The following SCUBE1 variants were observed in gnomAD, a reference collection of about 807,000 sequenced individuals.
The protein encoded by SCUBE1 is signal peptide, CUB domain and EGF like domain containing 1, also known as signal peptide, CUB and EGF-like domain-containing protein 1.
A neutral mutation model predicts 124.4 loss-of-function variants in SCUBE1; 59 were observed. The ratio of observed to expected loss-of-function variants is 0.47; its 90% CI spans 0.38 to 0.59. SCUBE1 has a LOEUF of 0.59. SCUBE1 is among the 20% of genes least tolerant of loss of function. SCUBE1 has a pLI of 0.00. For missense variants in SCUBE1, 1,150 were observed against 1,371.2 expected, an observed-to-expected ratio of 0.84 and a Z score of 2.55; for synonymous variants, 545 against 550.9, an observed-to-expected ratio of 0.99 and a Z score of 0.15.
At chr22:43,336,869 A>C (rs974025508) in intron 2 of SCUBE1, among the ~76,000 whole-genome samples, 3 of 152,158 alleles carry the variant, frequency 2.0e-5, no homozygotes, top group Non-Finnish European at 2.9e-5. Context: ...GAAGGTAAGG[A>C]GCTCCAGGCA....
Position 43,214,225 on chromosome 22 carries a change from C to T in SCUBE1, c.1918G>A (p.Gly640Ser), listed in dbSNP as rs745480473. 9 of 1,612,476 alleles carry T rather than the reference C, an allele frequency of 5.6e-6. No homozygotes were observed. The highest frequency in any genetic ancestry group is 5.3e-5 in the African/African-American group (4 of 74,916). ...CVACGPGTHF[G>S]GELGQCVSCM... ...GACACACACTGGCCGAGCTCACCAC[C>T]GAAGTGGGTGCCAGGCCCACAGGCA... Residue 640 changes from glycine to serine, a missense_variant, in exon 16 of 22, where the codon GGT becomes AGT. Physicochemically the swap from Gly to Ser is moderately conservative, Grantham distance 56 (BLOSUM62 0). Around this residue, in one of 3 missense-constraint regions of SCUBE1, gnomAD observed 757 missense variants for 840.9 expected, o/e 0.90. Coordinates refer to ENST00000360835, the MANE Select transcript of SCUBE1 (RefSeq NM_173050.5).
At chr22:43,333,685 C>A (rs558031039) in intron 2 of SCUBE1, among the ~76,000 whole-genome samples, 1 of 152,300 alleles carries the variant, frequency 6.6e-6, no homozygotes, top group South Asian at 2.1e-4. Context: ...ATGGGACAGC[C>A]AGTTAAAAGC....
chr22:43,297,033 T>A (rs879804935), intron 3 of SCUBE1, among the ~76,000 whole-genome samples: 1 of 152,190 alleles, frequency 6.6e-6, no homozygotes, highest in Non-Finnish European at 1.5e-5. Flanking sequence ...GGCTGAGCAT[T>A]TGGAGCACAA....
Position 43,229,148 on chromosome 22 carries a change from G to C in SCUBE1, c.1008C>G (p.Ile336Met). 1 of 1,613,828 alleles carries C rather than the reference G, an allele frequency of 6.2e-7. No homozygotes were observed. Among genetic ancestry groups the C allele is most frequent in the Non-Finnish European group, 8.5e-7 (1 of 1,179,872 alleles). ...GGAAGCTGCCCGGGGAGTTGATGCA[G>C]ATGTGGTCACAGGTCCGCTCGAAGG... is the stretch of plus-strand genomic sequence containing the variant. ...ECSFERTCDH[I>M]CINSPGSFQC... Residue 336 changes from isoleucine to methionine, a missense_variant, in exon 9 of 22, where the codon ATC (isoleucine) becomes ATG (methionine). Physicochemically the swap from Ile to Met is conservative, Grantham distance 10 (BLOSUM62 1). This residue lies in a region of SCUBE1 where 337 missense variants were observed against 482.1 expected (regional missense o/e 0.70). Coordinates refer to ENST00000360835, the MANE Select transcript of SCUBE1 (RefSeq NM_173050.5).
At chr22:43,322,334 G>C (rs1926585507) in intron 2 of SCUBE1, among the ~76,000 whole-genome samples, 4 of 152,088 alleles carry the variant, frequency 2.6e-5, no homozygotes, top group Admixed American at 2.6e-4. Flanking sequence ...TCTGTTTGCA[G>C]CCCTGACCTT....
chr22:43,281,539 GT>G (rs1924892988), intron 4 of SCUBE1, among the ~76,000 whole-genome samples: 1 of 50,266 alleles, frequency 2.0e-5, no homozygotes, highest in Non-Finnish European at 3.9e-5. Flanking sequence ...ACCTCCCTCA[GT>G]CACCCTCCTG....
chr22:43,221,187 C>T lies in SCUBE1; in HGVS notation c.1535G>A (p.Arg512Lys). The T allele has an allele frequency of 3.7e-6, 6 of 1,610,244 alleles. No individual in the cohort carries two copies. Among genetic ancestry groups the T allele is most frequent in the African/African-American group, 1.3e-5 (1 of 75,008 alleles). The change falls in exon 13 of 22, where the codon AGG becomes AAG. Residue 512 changes from arginine (R) to lysine (K), a missense_variant. Transcript: ENST00000360835. The part of the protein sequence containing the change: ...HSQARAKETA[R>K]QPLLDHCHVT... ...GTCCCACTCACCCAGCAGCGGCTGC[C>T]TGGCGGTCTCCTTTGCTCGTGCCTG...
At chr22:43,235,803 G>C (rs115197418) in intron 7 of SCUBE1, among the ~76,000 whole-genome samples, 2 of 152,108 alleles carry the variant, frequency 1.3e-5, no homozygotes, top group Non-Finnish European at 2.9e-5. Context: ...TTGAGGCCCA[G>C]AACCCCCTTC....
intron 2 of SCUBE1, among the ~76,000 whole-genome samples, chr22:43,320,897 G>A (rs76128234): frequency 0.024 from 3,705 of 152,310 alleles, 70 homozygotes; most frequent in Non-Finnish European, 0.036. Flanking sequence ...GCCTAACCCC[G>A]GTCACACCTG....
chr22:43,212,367 G>C lies in SCUBE1; in HGVS notation c.2221+58C>G, dbSNP rs568363177. On this transcript the variant is annotated intron_variant, in intron 17 of 21. Transcript: ENST00000360835. ...TGAGAGGGGTTCGGGGAAGCCTCTC[G>C]GAGCAGTGCAGCCCTGCCTCTCGGG... 6.6e-6 allele frequency: 10 copies of C among 1,513,536 alleles called. No individual in the cohort carries two copies. In the South Asian group the frequency reaches 8.6e-5, roughly 13 times the overall value. The allele number at this position is 1,513,536 out of a possible 1,614,324, so 93.8% of individuals were successfully genotyped here. A position where few individuals can be genotyped will look rare whatever the true frequency, so the allele number is the denominator to read the frequency against.
chr22:43,260,816 G>A (rs1001802589), intron 5 of SCUBE1, among the ~76,000 whole-genome samples: 1 of 152,166 alleles, frequency 6.6e-6, no homozygotes, highest in African/African-American at 2.4e-5. Context: ...GGCAGCTGGG[G>A]TGAGGGTTGT....
intron 2 of SCUBE1, among the ~76,000 whole-genome samples, chr22:43,327,194 C>T (rs1004011227): frequency 6.6e-6 from 1 of 152,176 alleles, no homozygotes; most frequent in Admixed American, 6.5e-5. Flanking sequence ...TGGGTACCAC[C>T]ATGTCTATCT....
chr22:43,268,534 A>G (rs1178844063), intron 4 of SCUBE1, among the ~76,000 whole-genome samples: 1 of 152,228 alleles, frequency 6.6e-6, no homozygotes, highest in Non-Finnish European at 1.5e-5. Context: ...TTGGTGCCCA[A>G]GATGGGCCAG....
At chr22:43,204,568 G>A (rs1416669838) in intron 21 of SCUBE1, among the ~76,000 whole-genome samples, 3 of 151,920 alleles carry the variant, frequency 2.0e-5, no homozygotes, top group African/African-American at 7.3e-5. Flanking sequence ...CAAAGTGCTG[G>A]GATTACAGGC....
chr22:43,220,829 T>G (rs1827521561), intron 13 of SCUBE1, among the ~76,000 whole-genome samples: 2 of 152,158 alleles, frequency 1.3e-5, no homozygotes, highest in South Asian at 2.1e-4. Flanking sequence ...TATTCATGAA[T>G]GAGGCTGTGC....
intron 4 of SCUBE1, among the ~76,000 whole-genome samples, chr22:43,288,471 C>T (rs59630738): frequency 0.02 from 2,997 of 152,298 alleles, 106 homozygotes; most frequent in African/African-American, 0.07. Context: ...CCCATGTTGT[C>T]CAGCCCCCAC....
intron 3 of SCUBE1, among the ~76,000 whole-genome samples, chr22:43,307,125 C>G (rs139829420): frequency 6.6e-6 from 1 of 152,388 alleles, no homozygotes; most frequent in African/African-American, 2.4e-5. Flanking sequence ...CAATCCAGAG[C>G]TCAGCACTCG....
chr22:43,286,879 C>G (rs767319933), intron 4 of SCUBE1, among the ~76,000 whole-genome samples: 65 of 152,228 alleles, frequency 4.3e-4, no homozygotes, highest in Non-Finnish European at 7.6e-4. Flanking sequence ...CGGATCGATT[C>G]TGGTCAGAAT....
chr22:43,228,987 T>A, intron 9 of SCUBE1, 85 bp downstream of exon 9: 1 of 953,224 alleles, frequency 1.0e-6, no homozygotes, highest in Non-Finnish European at 1.6e-6. Flanking sequence ...GAGGGCAGGG[T>A]TGGGATGCGG....
Sources: allele counts gnomAD v4.1 joint callset (sites outside exome capture counted in the v4.1 genomes callset), GRCh38; gene constraint gnomAD v4.1.1; regional missense constraint gnomAD v4.1.1; transcripts MANE v1.5; gene names NCBI Gene and HGNC (gene_info 2026-07-23, HGNC 2026-07-21).